Variants in FAM222A observed in about 807,000 individuals in gnomAD.
The protein encoded by FAM222A is protein FAM222A.
FAM222A carries 7 observed loss-of-function variants against 25.8 expected under a neutral mutation model. The observed-to-expected ratio is 0.27, with a 90% CI of 0.15 to 0.51. The LOEUF is 0.51. FAM222A is among the 20% of genes least tolerant of loss of function. The pLI is 0.97. For missense variants in FAM222A, 573 were observed against 640.5 expected, an observed-to-expected ratio of 0.89 and a Z score of 1.14; for synonymous variants, 294 against 298.8, an observed-to-expected ratio of 0.98 and a Z score of 0.17.
chr12:109,743,623 G>C (rs548195929), intron 1 of FAM222A, among the ~76,000 whole-genome samples: 12 of 152,198 alleles, frequency 7.9e-5, no homozygotes, highest in Non-Finnish European at 1.3e-4. Flanking sequence ...AGACAGACCA[G>C]TACTTCAGTA....
intron 2 of FAM222A, among the ~76,000 whole-genome samples, chr12:109,745,417 T>C (rs1046372860): frequency 6.6e-6 from 1 of 152,236 alleles, no homozygotes; most frequent in African/African-American, 2.4e-5. Flanking sequence ...TGGTAAACCC[T>C]GGATGTGTCA....
chr12:109,754,664 CTCT>C (rs1888663449), intron 2 of FAM222A, among the ~76,000 whole-genome samples: 1 of 146,554 alleles, frequency 6.8e-6, no homozygotes, highest in Non-Finnish European at 1.5e-5. Flanking sequence ...TAGTTTGGGA[CTCT>C]TTTTTTTTTT....
chr12:109,716,615 G>T lies in FAM222A; in HGVS notation c.-47+1718G>T, dbSNP rs1037610658. ...GGAGAGCCGGGAGAGGTGGGCAGAA[G>T]GGCTGTTTGCGCTGCCTCTCGAAGC... On this transcript the variant is annotated intron_variant, in intron 1 of 2. Transcript: ENST00000538780. Among the ~76,000 whole-genome samples the T allele has an allele frequency of 4.6e-5, 7 of 152,198 alleles. No homozygotes were observed. In the South Asian group the frequency reaches 1.2e-3, roughly 27 times the overall value.
At chr12:109,739,467 G>T (rs1888177275) in intron 1 of FAM222A, among the ~76,000 whole-genome samples, 1 of 152,202 alleles carries the variant, frequency 6.6e-6, no homozygotes. Flanking sequence ...ATGAATGAAT[G>T]GGTGGGTAAG....
Position 109,768,763 on chromosome 12 carries a change from C to T in FAM222A, c.834C>T (p.Tyr278=), listed in dbSNP as rs375805951. ...TLAGAAKPAG[Y]ADSGLDYLLW... is the part of the protein sequence containing the mutation. ...CTGGGGCCGCCAAGCCTGCAGGGTA[C>T]GCAGACAGCGGCCTGGATTACCTGC... is the stretch of plus-strand genomic sequence containing the variant. Residue 278 remains tyrosine, a synonymous_variant, in exon 3 of 3, where the codon TAC becomes TAT. Transcript: ENST00000538780. The T allele has an allele frequency of 2.3e-4, 364 of 1,581,662 alleles. No homozygotes were observed. The highest frequency in any genetic ancestry group is 2.0e-3 in the African/African-American group (148 of 74,646).
intron 1 of FAM222A, among the ~76,000 whole-genome samples, chr12:109,729,559 A>G (rs1592780572): frequency 6.6e-6 from 1 of 152,244 alleles, no homozygotes; most frequent in African/African-American, 2.4e-5. Context: ...AACTCACCCA[A>G]TTATCCTGCA....
intron 2 of FAM222A, among the ~76,000 whole-genome samples, chr12:109,757,559 A>G (rs956972252): frequency 4.6e-5 from 7 of 152,254 alleles, no homozygotes; most frequent in African/African-American, 1.4e-4. Context: ...TGTGGAAAGC[A>G]AAACCATATC....
chr12:109,720,691 C>T (rs561907034), intron 1 of FAM222A, among the ~76,000 whole-genome samples: 36 of 152,356 alleles, frequency 2.4e-4, no homozygotes, highest in African/African-American at 8.4e-4. Context: ...GGCCAGGCTC[C>T]CTGCCAGATG....
chr12:109,754,242 A>T (rs1023661398), intron 2 of FAM222A, among the ~76,000 whole-genome samples: 1 of 152,216 alleles, frequency 6.6e-6, no homozygotes. Flanking sequence ...ATTAAAAGGT[A>T]GTATAAGGAT....
In FAM222A at chr12:109,769,085, G is replaced by C; in HGVS notation, c.1156G>C (p.Asp386His). 1.9e-6 allele frequency: 3 copies of C among 1,605,664 alleles called. No homozygotes were observed. The highest frequency in any genetic ancestry group is 2.2e-5 in the South Asian group (2 of 90,040). ...AARELAGPPA[D>H]ALSGLPSKSV... is the part of the protein sequence containing the mutation. ...CCGGGAGCTGGCTGGGCCCCCTGCA[G>C]ATGCCCTCTCGGGCCTGCCCAGCAA... The change falls in exon 3 of 3, where the codon GAT (aspartate) becomes CAT (histidine). Residue 386 changes from aspartate (D) to histidine (H), a missense_variant. By Grantham distance (81) the Asp-to-His change is moderately conservative. Transcript: ENST00000538780.
At chr12:109,737,140 GTTT>G (rs1782520757) in intron 1 of FAM222A, among the ~76,000 whole-genome samples, 2 of 152,116 alleles carry the variant, frequency 1.3e-5, no homozygotes, top group African/African-American at 4.8e-5. Flanking sequence ...GTCGAGTTGA[GTTT>G]TAAGGGGTAG....
chr12:109,746,656 C>A (rs1181764214), intron 2 of FAM222A, among the ~76,000 whole-genome samples: 1 of 152,064 alleles, frequency 6.6e-6, no homozygotes, highest in African/African-American at 2.4e-5. Context: ...TACCATTCAC[C>A]AATTTGGAGT....
At position 109,714,171 on chromosome 12, in the gene FAM222A, C is replaced by G; in HGVS notation, c.-773C>G. ...GGCTGTTTCTCAGCGCCGAGGCCCC[C>G]GAGGCTGCATCCGAGCTTGCGTCGC... On this transcript the variant is annotated 5_prime_UTR_variant, in exon 1 of 3. Coordinates refer to ENST00000538780, the MANE Select transcript of FAM222A (RefSeq NM_032829.3). This position sits in a 1 kb window ranked among gnomAD's most constrained non-coding sequence, Gnocchi z 4.2. 1 of 194,948 alleles carries G rather than the reference C, an allele frequency of 5.1e-6. No homozygotes were observed. The highest frequency in any genetic ancestry group is 1.0e-5 in the Non-Finnish European group (1 of 95,954). The allele number at this position is 194,948 out of a possible 1,614,324, so 12.1% of individuals were successfully genotyped here. A position where few individuals can be genotyped will look rare whatever the true frequency, so the allele number is the denominator to read the frequency against.
chr12:109,726,787 G>T (rs1185275315), intron 1 of FAM222A, among the ~76,000 whole-genome samples: 1 of 152,176 alleles, frequency 6.6e-6, no homozygotes, highest in Non-Finnish European at 1.5e-5. Context: ...ACTTAGGAGG[G>T]AGATGCTGAG....
chr12:109,744,344 G>T, intron 2 of FAM222A, 116 bp downstream of exon 2: 1 of 1,438,450 alleles, frequency 7.0e-7, no homozygotes, highest in Non-Finnish European at 9.1e-7. Context: ...GCTCTCTTAG[G>T]CCCCCAGGCC....
intron 1 of FAM222A, among the ~76,000 whole-genome samples, chr12:109,732,716 G>A (rs1033549714): frequency 2.6e-5 from 4 of 152,222 alleles, no homozygotes; most frequent in Admixed American, 6.5e-5. Flanking sequence ...GAGAGTGTAC[G>A]CAGGACATGT....
chr12:109,763,425 T>G (rs1463155585), intron 2 of FAM222A, among the ~76,000 whole-genome samples: 1 of 152,248 alleles, frequency 6.6e-6, no homozygotes, highest in Non-Finnish European at 1.5e-5. Context: ...TAAGTGGTTC[T>G]GCTCAGGGTC....
chr12:109,748,542 G>T (rs1176934921), intron 2 of FAM222A, among the ~76,000 whole-genome samples: 1 of 151,916 alleles, frequency 6.6e-6, no homozygotes, highest in Non-Finnish European at 1.5e-5. Context: ...CTTTGATAAT[G>T]CTATTTCTTC....
chr12:109,724,366 G>A (rs934469067), intron 1 of FAM222A, among the ~76,000 whole-genome samples: 3 of 152,218 alleles, frequency 2.0e-5, no homozygotes, highest in Non-Finnish European at 2.9e-5. Flanking sequence ...CCCCAAGGAC[G>A]AGGCGCCTTC....
Sources: gnomAD v4.1 joint callset for allele counts (sites outside exome capture counted in the v4.1 genomes callset) on GRCh38, gnomAD v4.1.1 for gene constraint, Gnocchi (gnomAD v3.1) non-coding constraint, MANE v1.5 for transcripts, NCBI Gene and HGNC (gene_info 2026-07-23, HGNC 2026-07-21) for gene names.